The following FARS2 variants were observed in gnomAD, a reference collection of about 807,000 sequenced individuals.
FARS2 encodes phenylalanyl-tRNA synthetase 2, mitochondrial.
Under a neutral mutation model 46.4 loss-of-function variants are expected in FARS2, and 40 were observed. The ratio of observed to expected loss-of-function variants is 0.86; its 90% CI spans 0.67 to 1.12. The LOEUF is 1.12. Ranked by LOEUF, FARS2 falls within the 50% of genes most tolerant of loss-of-function variation. FARS2 has a pLI of 0.00. For synonymous variants in FARS2, 234 were observed against 214.9 expected (o/e 1.09, Z -0.78); for missense variants, 513 against 567.9 (o/e 0.90, Z 0.98).
At chr6:5,584,644 G>A (rs1209281398) in intron 5 of FARS2, among the ~76,000 whole-genome samples, 2 of 151,974 alleles carry the variant, frequency 1.3e-5, no homozygotes, top group African/African-American at 4.8e-5. Flanking sequence ...TTTGTCAGTG[G>A]CACATTTCCT....
At chr6:5,314,571 T>C (rs1769314288) in intron 1 of FARS2, among the ~76,000 whole-genome samples, 1 of 152,216 alleles carries the variant, frequency 6.6e-6, no homozygotes, top group Non-Finnish European at 1.5e-5. Flanking sequence ...ATGGTCTGTT[T>C]TCTTCCAGGC....
At chr6:5,599,965 G>A (rs541607411) in intron 5 of FARS2, among the ~76,000 whole-genome samples, 4 of 152,044 alleles carry the variant, frequency 2.6e-5, no homozygotes, top group Non-Finnish European at 5.9e-5. Flanking sequence ...TCCCCATGAA[G>A]ATTTTGGAGC....
chr6:5,667,283 G>A (rs1778182703), intron 6 of FARS2, among the ~76,000 whole-genome samples: 1 of 152,122 alleles, frequency 6.6e-6, no homozygotes, highest in Non-Finnish European at 1.5e-5. Context: ...CCTTTGGGGG[G>A]CCAAGGTGGG....
intron 5 of FARS2, among the ~76,000 whole-genome samples, chr6:5,577,033 G>A (rs186931735): frequency 4.6e-5 from 7 of 152,080 alleles, no homozygotes; most frequent in Non-Finnish European, 1.0e-4. Flanking sequence ...GGAAATGTGC[G>A]TTATGATTTA....
intron 1 of FARS2, among the ~76,000 whole-genome samples, chr6:5,356,635 G>A (rs1233023359): frequency 6.6e-6 from 1 of 152,154 alleles, no homozygotes; most frequent in East Asian, 1.9e-4. Context: ...CAATGTTCAT[G>A]AGTCAATAAT....
chr6:5,417,387 T>G (rs897164212), intron 3 of FARS2, among the ~76,000 whole-genome samples: 1 of 151,862 alleles, frequency 6.6e-6, no homozygotes, highest in Non-Finnish European at 1.5e-5. Flanking sequence ...CCGCTAACTT[T>G]TAAAATAAAA....
At chr6:5,619,035 TA>T (rs1775625884) in intron 6 of FARS2, among the ~76,000 whole-genome samples, 1 of 152,242 alleles carries the variant, frequency 6.6e-6, no homozygotes, top group South Asian at 2.1e-4. Context: ...TTTTATTCTG[TA>T]ACACCAGTTG....
At chr6:5,496,873 G>A (rs150226725) in intron 4 of FARS2, among the ~76,000 whole-genome samples, 1 of 152,002 alleles carries the variant, frequency 6.6e-6, no homozygotes, top group African/African-American at 2.4e-5. Context: ...TTTAGAGGTA[G>A]AGGTCTCACT....
intron 6 of FARS2, among the ~76,000 whole-genome samples, chr6:5,745,970 A>C (rs1427490721): frequency 6.6e-6 from 1 of 152,198 alleles, no homozygotes; most frequent in Non-Finnish European, 1.5e-5. Flanking sequence ...TGAGGAGGCA[A>C]CAAGCCTCCA....
chr6:5,389,672 C>T (rs1316800795), intron 2 of FARS2, among the ~76,000 whole-genome samples: 1 of 152,122 alleles, frequency 6.6e-6, no homozygotes, highest in Admixed American at 6.6e-5. Context: ...ACTGACTTAC[C>T]ACCTGCTTGA....
intron 4 of FARS2, among the ~76,000 whole-genome samples, chr6:5,517,752 T>C (rs866314916): frequency 6.6e-5 from 10 of 152,324 alleles, no homozygotes; most frequent in African/African-American, 2.2e-4. Flanking sequence ...ATTTTAGATA[T>C]ATAATATTAG....
intron 4 of FARS2, among the ~76,000 whole-genome samples, chr6:5,525,986 T>G (rs2150440326): frequency 6.6e-6 from 1 of 152,380 alleles, no homozygotes; most frequent in African/African-American, 2.4e-5. Flanking sequence ...GTTTTCTTTT[T>G]GGAAAGGTTG....
rs984268594 is a variant in FARS2, at chr6:5,673,263, C to T, written c.1217+59943C>T. 3.9e-5 allele frequency among the ~76,000 whole-genome samples: 6 copies of T among 152,220 alleles called. No individual in the cohort carries two copies. In the South Asian group the frequency reaches 1.0e-3, roughly 26 times the overall value. On this transcript the variant is annotated intron_variant, in intron 6 of 6. Transcript: ENST00000274680. Reference sequence around the variant, plus strand: ...GTTTGCGCCTGGAGGGCAGAAGCCACAGCTGGTTTTGCTGTGCATGGCACC... The same window carrying T: ...GTTTGCGCCTGGAGGGCAGAAGCCATAGCTGGTTTTGCTGTGCATGGCACC...
intron 6 of FARS2, among the ~76,000 whole-genome samples, chr6:5,654,090 C>T (rs1370652293): frequency 6.6e-6 from 1 of 152,184 alleles, no homozygotes; most frequent in Non-Finnish European, 1.5e-5. Flanking sequence ...TCAGAAGCTT[C>T]TGCCCTGACC....
intron 6 of FARS2, among the ~76,000 whole-genome samples, chr6:5,622,019 AG>A (rs1775802153): frequency 6.6e-6 from 1 of 152,222 alleles, no homozygotes; most frequent in African/African-American, 2.4e-5. Context: ...CAAATTCTGG[AG>A]GGAAATAGCC....
chr6:5,435,735 T>C (rs1420057898), intron 4 of FARS2, among the ~76,000 whole-genome samples: 3 of 152,214 alleles, frequency 2.0e-5, no homozygotes, highest in Non-Finnish European at 4.4e-5. Context: ...CTGGGACAAC[T>C]ATGAGCCGTG....
intron 6 of FARS2, among the ~76,000 whole-genome samples, chr6:5,711,355 A>G (rs1279376442): frequency 6.6e-6 from 1 of 152,210 alleles, no homozygotes; most frequent in Non-Finnish European, 1.5e-5. Context: ...ATTCCAAGTA[A>G]TTCATACTCT....
intron 1 of FARS2, among the ~76,000 whole-genome samples, chr6:5,268,386 G>T (rs908416086): frequency 6.6e-6 from 1 of 152,178 alleles, no homozygotes; most frequent in Non-Finnish European, 1.5e-5. Flanking sequence ...TTTGTATAAG[G>T]TGTAAGGAAG....
rs148410912 is a variant in FARS2 at position 5,464,272 on chromosome 6, G to A, written c.904+33100G>A. On this transcript the variant is annotated intron_variant, in intron 4 of 6. Transcript: ENST00000274680. The stretch of plus-strand genomic sequence containing the variant: ...GAGGAACAGGCTGCGACTCGGCAGA[G>A]CAGCTGGTTTGATCAGCAGCTGGTT... Among the ~76,000 whole-genome samples, 287 of 152,314 alleles carry A rather than the reference G, an allele frequency of 1.9e-3. 3 individuals carry two copies. Among genetic ancestry groups the A allele is most frequent in the African/African-American group, 6.6e-3 (276 of 41,570 alleles).
Sources: gnomAD v4.1 joint callset for allele counts (sites outside exome capture counted in the v4.1 genomes callset) on GRCh38, gnomAD v4.1.1 for gene constraint, MANE v1.5 for transcripts, NCBI Gene and HGNC (gene_info 2026-07-23, HGNC 2026-07-21) for gene names.